GLIS3: variants seen among roughly 807,000 people sequenced by gnomAD.
GLIS3 encodes zinc finger protein GLIS3.
GLIS3 carries 53 observed loss-of-function variants against 78.6 expected under a neutral mutation model. The observed-to-expected ratio is 0.67, with a 90% CI of 0.54 to 0.85. The LOEUF is 0.85. GLIS3 is among the 40% of genes least tolerant of loss of function. The pLI is 0.00. For synonymous variants in GLIS3, 684 were observed against 509.9 expected (o/e 1.34, Z -4.60); for missense variants, 1,703 against 1,231.1 (o/e 1.38, Z -5.74).
chr9:4,339,346 G>A (rs147375414), intron 2 of GLIS3, among the ~76,000 whole-genome samples: 40 of 152,276 alleles, frequency 2.6e-4, no homozygotes, highest in Non-Finnish European at 2.4e-4. Flanking sequence ...AAAGACAGCC[G>A]ATGAATTGTG....
intron 4 of GLIS3, among the ~76,000 whole-genome samples, chr9:3,994,557 GTTT>G (rs1820589981): frequency 6.6e-6 from 1 of 152,138 alleles, no homozygotes; most frequent in Non-Finnish European, 1.5e-5. Context: ...ATTAAAATAT[GTTT>G]TTGAGTTTTT....
chr9:4,035,234 G>A (rs1340685645), intron 4 of GLIS3, among the ~76,000 whole-genome samples: 1 of 152,050 alleles, frequency 6.6e-6, no homozygotes, highest in African/African-American at 2.4e-5. Context: ...CCATTTTACA[G>A]GTGAAAGCAT....
the GLIS3 span, among the ~76,000 whole-genome samples, chr9:4,390,764 G>C: frequency 6.6e-6 from 1 of 152,060 alleles, no homozygotes; most frequent in Non-Finnish European, 1.5e-5. Flanking sequence ...TATACAATGG[G>C]GCTACCTCTC....
chr9:4,311,301 T>C (rs1357021350), intron 2 of GLIS3, among the ~76,000 whole-genome samples: 3 of 152,074 alleles, frequency 2.0e-5, no homozygotes, highest in Non-Finnish European at 2.9e-5. Context: ...CCCAGCAACT[T>C]GGGAGGCTGA....
At chr9:3,958,485 C>CA (rs1330606290) in intron 4 of GLIS3, among the ~76,000 whole-genome samples, 3 of 152,200 alleles carry the variant, frequency 2.0e-5, no homozygotes, top group Non-Finnish European at 4.4e-5. Flanking sequence ...GATGTACCTA[C>CA]AAATCTCCGC....
At chr9:4,152,013 C>G (rs371260127) in intron 2 of GLIS3, 1 of 242,010 alleles carries the variant, frequency 4.1e-6, no homozygotes, top group Non-Finnish European at 6.6e-6. Flanking sequence ...CCAGTTTGCA[C>G]AGGTCTTGTA....
intron 4 of GLIS3, among the ~76,000 whole-genome samples, chr9:3,998,880 T>A (rs941630413): frequency 5.3e-5 from 8 of 151,708 alleles, no homozygotes; most frequent in African/African-American, 1.9e-4. Context: ...TTCAATACAA[T>A]TACCACTGAC....
Position 3,875,268 on chromosome 9 carries a change from CT to C in GLIS3, c.2297+4158del, listed in dbSNP as rs1377875832. ...GTGATGTAGTGTGCTGCTTAAATCA[CT>C]GAAATAATGTGTCATTCAGATAATA... On this transcript the variant is annotated intron_variant, in intron 8 of 10. Coordinates refer to ENST00000381971, the MANE Select transcript of GLIS3 (RefSeq NM_001042413.2). Among the ~76,000 whole-genome samples, 8 of 152,190 alleles carry C rather than the reference CT, an allele frequency of 5.3e-5. No individual in the cohort carries two copies. In the East Asian group the frequency reaches 1.5e-3, roughly 29 times the overall value.
At chr9:3,941,668 G>A (rs1815929582) in intron 4 of GLIS3, among the ~76,000 whole-genome samples, 1 of 152,110 alleles carries the variant, frequency 6.6e-6, no homozygotes, top group South Asian at 2.1e-4. Context: ...ATGGGAAAAG[G>A]GCATGAAACT....
chr9:4,408,135 G>C, the GLIS3 span, among the ~76,000 whole-genome samples: 2 of 152,266 alleles, frequency 1.3e-5, no homozygotes, highest in Non-Finnish European at 2.9e-5. Flanking sequence ...CAAGAATGTG[G>C]AGAAAAGGGA....
intron 4 of GLIS3, among the ~76,000 whole-genome samples, chr9:4,105,025 C>T (rs1429548579): frequency 1.3e-5 from 2 of 152,172 alleles, no homozygotes; most frequent in African/African-American, 4.8e-5. Flanking sequence ...ATGAACAATT[C>T]AGTATTAAAA....
intron 2 of GLIS3, among the ~76,000 whole-genome samples, chr9:4,173,544 ATATG>A (rs1816555443): frequency 6.7e-6 from 1 of 148,252 alleles, no homozygotes; most frequent in African/African-American, 2.5e-5. Context: ...TATAATATGT[ATATG>A]TGTGTGTATA....
chr9:4,031,033 C>T (rs766382252), intron 4 of GLIS3, among the ~76,000 whole-genome samples: 4 of 152,134 alleles, frequency 2.6e-5, no homozygotes, highest in East Asian at 1.9e-4. Context: ...TTTGAACATT[C>T]GTGCACTGCT....
At chr9:3,942,239 C>T (rs914249192) in intron 4 of GLIS3, among the ~76,000 whole-genome samples, 4 of 152,134 alleles carry the variant, frequency 2.6e-5, no homozygotes, top group African/African-American at 9.7e-5. Flanking sequence ...TTAAAATATA[C>T]ATTTGATTTG....
chr9:3,834,770 T>C (rs1168080252), intron 9 of GLIS3, among the ~76,000 whole-genome samples: 1 of 152,094 alleles, frequency 6.6e-6, no homozygotes, highest in Non-Finnish European at 1.5e-5. Flanking sequence ...ATAAATACAT[T>C]AATAAGTAAA....
chr9:4,194,022 C>G (rs1343808701), intron 2 of GLIS3, among the ~76,000 whole-genome samples: 1 of 152,216 alleles, frequency 6.6e-6, no homozygotes, highest in Non-Finnish European at 1.5e-5. Flanking sequence ...ATGTTTATTA[C>G]ATTTTGGCCT....
At chr9:4,291,779 AG>A (rs1228921838) in intron 1 of GLIS3, among the ~76,000 whole-genome samples, 1 of 152,180 alleles carries the variant, frequency 6.6e-6, no homozygotes, top group East Asian at 1.9e-4. Flanking sequence ...ACACCGCTCG[AG>A]GGCAATATTA....
At chr9:4,467,200 T>C in the GLIS3 span, among the ~76,000 whole-genome samples, 1 of 152,196 alleles carries the variant, frequency 6.6e-6, no homozygotes. Flanking sequence ...ACTCCACCTC[T>C]GGGGGCAGGG....
chr9:4,480,338 G>T, the GLIS3 span, among the ~76,000 whole-genome samples: 14 of 151,688 alleles, frequency 9.2e-5, no homozygotes, highest in African/African-American at 3.4e-4. Flanking sequence ...CCAAGCAGCT[G>T]GGCCTACAGG....
Sources: allele counts gnomAD v4.1 joint callset (sites outside exome capture counted in the v4.1 genomes callset), GRCh38; gene constraint gnomAD v4.1.1; transcripts MANE v1.5; gene names NCBI Gene and HGNC (gene_info 2026-07-23, HGNC 2026-07-21).